CBLB: variants seen among roughly 807,000 people sequenced by gnomAD.
CBLB encodes E3 ubiquitin-protein ligase CBL-B.
In CBLB, 31 loss-of-function variants were observed where a neutral mutation model predicts 104.9. That is an observed-to-expected ratio of 0.30 (90% CI 0.22 to 0.40). CBLB has a LOEUF of 0.40. CBLB is among the 10% of genes least tolerant of loss of function. CBLB has a pLI of 1.00. For missense variants in CBLB, 1,062 were observed against 1,214.6 expected (o/e 0.87, Z 1.87); for synonymous variants, 440 against 422.6 (o/e 1.04, Z -0.51).
chr3:105,833,028 A>G (rs2087809752), intron 3 of CBLB, among the ~76,000 whole-genome samples: 1 of 152,230 alleles, frequency 6.6e-6, no homozygotes, highest in African/African-American at 2.4e-5. Context: ...GAAGCCTCAG[A>G]TGTGGAGGTC....
At chr3:105,686,728 A>T (rs2152741558) in intron 13 of CBLB, among the ~76,000 whole-genome samples, 1 of 152,196 alleles carries the variant, frequency 6.6e-6, no homozygotes, top group South Asian at 2.1e-4. Context: ...TTTCAAGTGT[A>T]TGTTTATTGA....
At chr3:105,858,493 C>T (rs1400490700) in intron 2 of CBLB, among the ~76,000 whole-genome samples, 2 of 152,104 alleles carry the variant, frequency 1.3e-5, no homozygotes, top group Non-Finnish European at 2.9e-5. Context: ...AAATTGCTTC[C>T]TAGAATGAAG....
At chr3:105,770,033 TATAATTTGTTTGGA>T (rs1209777807) in intron 4 of CBLB, among the ~76,000 whole-genome samples, 2 of 152,252 alleles carry the variant, frequency 1.3e-5, no homozygotes, top group South Asian at 2.1e-4. Context: ...CTAATTGAAT[TATAATTTGTTTGGA>T]AATTTATGTC....
chr3:105,722,198 CAAA>C lies in CBLB; in HGVS notation c.1204-1951_1204-1949del, dbSNP rs5851468. Among the ~76,000 whole-genome samples, 371 of 84,394 alleles carry C rather than the reference CAAA, an allele frequency of 4.4e-3. 2 individuals are homozygous for C. Among genetic ancestry groups the C allele is most frequent in the African/African-American group, 0.015 (324 of 21,190 alleles). 55.4% of individuals were successfully genotyped at this position (84,394 alleles called of 152,430 possible). A position where few individuals can be genotyped will look rare whatever the true frequency, so the allele number is the denominator to read the frequency against. ...TAGGTGTAAGGGTAAGACCCCGTGC[CAAA>C]AAAAAAAAAAAAAAAAAGAAAAGAA... On this transcript the variant is annotated intron_variant, in intron 9 of 18. Transcript: ENST00000394030.
At chr3:105,784,418 T>G (rs1055907766) in intron 3 of CBLB, among the ~76,000 whole-genome samples, 4 of 152,220 alleles carry the variant, frequency 2.6e-5, no homozygotes, top group Non-Finnish European at 2.9e-5. Context: ...ATGTTGGAAA[T>G]TCAAACTATA....
chr3:105,670,677 A>G, intron 17 of CBLB: 1 of 312,720 alleles, frequency 3.2e-6, no homozygotes, highest in Non-Finnish European at 6.1e-6. Context: ...AACCTGTACA[A>G]TGTATAGAAA....
chr3:105,783,251 ACATGTAGGTAAGACCCTGATG>A (rs147451147), intron 3 of CBLB, among the ~76,000 whole-genome samples: 11,310 of 152,262 alleles, frequency 0.074, 581 homozygotes, highest in East Asian at 0.29. Context: ...AATACATAAG[ACATGTAGGTAAGACCCTGATG>A]CATCTAATTT....
chr3:105,802,926 A>G (rs1237607994), intron 3 of CBLB, among the ~76,000 whole-genome samples: 2 of 152,244 alleles, frequency 1.3e-5, no homozygotes, highest in Non-Finnish European at 2.9e-5. Flanking sequence ...GTTCCATTAC[A>G]CCAGTGTAAT....
At chr3:105,686,453 A>G (rs2067015697) in intron 13 of CBLB, among the ~76,000 whole-genome samples, 1 of 150,338 alleles carries the variant, frequency 6.7e-6, no homozygotes, top group Admixed American at 6.6e-5. Flanking sequence ...AAAGGAAGGA[A>G]AAAAAAAAAA....
At chr3:105,799,177 CAAA>C (rs11372400) in intron 3 of CBLB, among the ~76,000 whole-genome samples, 2 of 70,196 alleles carry the variant, frequency 2.8e-5, no homozygotes, top group Non-Finnish European at 6.6e-5. Context: ...TGACAAAGAA[CAAA>C]AAAAAAAAAA....
At chr3:105,753,081 G>T (rs999325864) in intron 4 of CBLB, among the ~76,000 whole-genome samples, 1 of 152,136 alleles carries the variant, frequency 6.6e-6, no homozygotes, top group Admixed American at 6.5e-5. Context: ...ATGCTAGCTG[G>T]GTGATGGATA....
chr3:105,713,096 C>T (rs1442874230), intron 10 of CBLB, among the ~76,000 whole-genome samples: 1 of 151,942 alleles, frequency 6.6e-6, no homozygotes, highest in Non-Finnish European at 1.5e-5. Context: ...AGAGTGAGAC[C>T]CCATCTTTGT....
At chr3:105,689,955 T>C (rs1186487549) in intron 13 of CBLB, among the ~76,000 whole-genome samples, 1 of 152,166 alleles carries the variant, frequency 6.6e-6, no homozygotes, top group Non-Finnish European at 1.5e-5. Flanking sequence ...GTAAATTTCA[T>C]ACTCTTCTAG....
In CBLB at chr3:105,827,997, T is replaced by A. The variant is rs982672414; in HGVS notation, c.419+25417A>T. Among the ~76,000 whole-genome samples the A allele has an allele frequency of 9.8e-5, 15 of 152,328 alleles. 1 individual carries two copies. The highest frequency in any genetic ancestry group is 1.9e-4 in the East Asian group (1 of 5,188). On this transcript the variant is annotated intron_variant, in intron 3 of 18. Coordinates refer to ENST00000394030, the MANE Select transcript of CBLB (RefSeq NM_170662.5). Reference sequence around the variant, plus strand: ...GGCTAAGTGTGACAGAATAATACTATCTGATGCTGATGTTTATTTCCTTCT... The same window carrying A: ...GGCTAAGTGTGACAGAATAATACTAACTGATGCTGATGTTTATTTCCTTCT...
chr3:105,719,004 CT>C (rs1299112619), intron 10 of CBLB, among the ~76,000 whole-genome samples: 1 of 152,144 alleles, frequency 6.6e-6, no homozygotes, highest in Non-Finnish European at 1.5e-5. Flanking sequence ...TAAACTTAAA[CT>C]GGGCAGTAAC....
In CBLB at chr3:105,814,932, C is replaced by T. The variant is rs991411136; in HGVS notation, c.420-38390G>A. Among the ~76,000 whole-genome samples, 3 of 115,980 alleles carry T rather than the reference C, an allele frequency of 2.6e-5. No homozygotes were observed. In the East Asian group the frequency reaches 9.1e-4, roughly 35 times the overall value. 76.1% of individuals were successfully genotyped at this position (115,980 alleles called of 152,430 possible). ...CCACCCCCCACCCTCTAATGCCACA[C>T]ACCCTGTATCTCCTGCCCCTGTGTC... On this transcript the variant is annotated intron_variant, in intron 3 of 18. Transcript: ENST00000394030.
intron 3 of CBLB, among the ~76,000 whole-genome samples, chr3:105,829,604 G>A (rs1248722943): frequency 7.7e-6 from 1 of 130,518 alleles, no homozygotes; most frequent in African/African-American, 2.9e-5. Flanking sequence ...AGTAAGTACA[G>A]GCTGCAGTGA....
chr3:105,861,795 A>G (rs1272734123), intron 2 of CBLB, among the ~76,000 whole-genome samples: 1 of 152,044 alleles, frequency 6.6e-6, no homozygotes, highest in African/African-American at 2.4e-5. Context: ...TTGTTGTTAC[A>G]GTTCTAGAAC....
At chr3:105,793,062 A>G (rs531953054) in intron 3 of CBLB, among the ~76,000 whole-genome samples, 109 of 152,294 alleles carry the variant, frequency 7.2e-4, no homozygotes, top group Admixed American at 1.6e-3. Flanking sequence ...TGCTTCCACC[A>G]GCATAAATAT....
Sources: gnomAD v4.1 joint callset for allele counts (sites outside exome capture counted in the v4.1 genomes callset) on GRCh38, gnomAD v4.1.1 for gene constraint, MANE v1.5 for transcripts, NCBI Gene and HGNC (gene_info 2026-07-23, HGNC 2026-07-21) for gene names.